CSMD1: variants seen among roughly 807,000 people sequenced by gnomAD.
The protein encoded by CSMD1 is CUB and sushi domain-containing protein 1.
In CSMD1, 213 loss-of-function variants were observed where a neutral mutation model predicts 417.5. That is an observed-to-expected ratio of 0.51 (90% CI 0.46 to 0.57). CSMD1 has a LOEUF of 0.57. CSMD1 is among the 20% of genes least tolerant of loss of function. The pLI, the probability that CSMD1 is intolerant of heterozygous loss-of-function variation, is 0.00. For missense variants in CSMD1, 6,923 were observed against 4,529.7 expected (o/e 1.53, Z -15.17); for synonymous variants, 2,862 against 1,736.8 (o/e 1.65, Z -16.11).
At chr8:3,673,048 A>C (rs1331665659) in intron 7 of CSMD1, among the ~76,000 whole-genome samples, 1 of 152,188 alleles carries the variant, frequency 6.6e-6, no homozygotes, top group African/African-American at 2.4e-5. Flanking sequence ...GAAAGTGAGC[A>C]TTTAGCGGTA....
chr8:4,474,764 T>C (rs1211737877), intron 2 of CSMD1, among the ~76,000 whole-genome samples: 1 of 152,086 alleles, frequency 6.6e-6, no homozygotes, highest in Non-Finnish European at 1.5e-5. Context: ...ACCTCCTGTT[T>C]CTCCTCCCCA....
intron 3 of CSMD1, among the ~76,000 whole-genome samples, chr8:4,277,610 C>G (rs1796560283): frequency 6.6e-6 from 1 of 152,168 alleles, no homozygotes; most frequent in South Asian, 2.1e-4. Flanking sequence ...TATGAGGTGT[C>G]TCATACTTCC....
chr8:4,219,328 CT>C (rs1327454754), intron 3 of CSMD1, among the ~76,000 whole-genome samples: 2 of 152,136 alleles, frequency 1.3e-5, no homozygotes, highest in African/African-American at 4.8e-5. Flanking sequence ...ATTTCATTCA[CT>C]TTCGTAACTT....
At chr8:3,869,819 A>C (rs1355484958) in intron 5 of CSMD1, among the ~76,000 whole-genome samples, 1 of 152,082 alleles carries the variant, frequency 6.6e-6, no homozygotes, top group African/African-American at 2.4e-5. Context: ...TTCCGTATCA[A>C]CTGCCACTTA....
At chr8:3,085,130 G>C (rs937416920) in intron 49 of CSMD1, among the ~76,000 whole-genome samples, 6 of 151,988 alleles carry the variant, frequency 3.9e-5, no homozygotes, top group African/African-American at 1.5e-4. Flanking sequence ...ACAATGGTCA[G>C]GCTCACAGAA....
At chr8:4,669,193 G>A (rs955425891) in intron 1 of CSMD1, among the ~76,000 whole-genome samples, 1 of 152,060 alleles carries the variant, frequency 6.6e-6, no homozygotes, top group Non-Finnish European at 1.5e-5. Flanking sequence ...GCCTTCTCTT[G>A]CTGTCTCTCT....
intron 2 of CSMD1, among the ~76,000 whole-genome samples, chr8:4,453,884 C>A (rs533326641): frequency 7.3e-6 from 1 of 136,076 alleles, no homozygotes; most frequent in Admixed American, 8.0e-5. Flanking sequence ...TGCACTGGCG[C>A]GACCTCGGCT....
At chr8:4,080,778 T>C (rs1800088282) in intron 3 of CSMD1, among the ~76,000 whole-genome samples, 2 of 152,310 alleles carry the variant, frequency 1.3e-5, no homozygotes, top group South Asian at 4.1e-4. Flanking sequence ...TGGGCTAAAT[T>C]ACCACACCCC....
At position 4,268,481 on chromosome 8, in the gene CSMD1, T is replaced by C. The variant is rs185594649; in HGVS notation, c.415+151472A>G. 1.1e-4 allele frequency among the ~76,000 whole-genome samples: 17 copies of C among 152,310 alleles called. 1 individual carries two copies. Among genetic ancestry groups the C allele is most frequent in the African/African-American group, 3.8e-4 (16 of 41,578 alleles). The stretch of plus-strand genomic sequence containing the variant: ...GAAAGGTAGTATCGCTGCTTACGTT[T>C]CTAAGTATTTTGTAGTATTTAGAGA... On this transcript the variant is annotated intron_variant, in intron 3 of 69. Transcript: ENST00000635120.
At chr8:3,601,048 G>A (rs1027857771) in intron 8 of CSMD1, among the ~76,000 whole-genome samples, 25 of 152,052 alleles carry the variant, frequency 1.6e-4, no homozygotes, top group South Asian at 4.1e-4. Flanking sequence ...CATTCATCCC[G>A]CATGATATCG....
At chr8:2,982,520 A>G (rs1432458402) in intron 54 of CSMD1, among the ~76,000 whole-genome samples, 1 of 152,140 alleles carries the variant, frequency 6.6e-6, no homozygotes. Flanking sequence ...AAGCCTGAAA[A>G]CACTGTGTTT....
intron 1 of CSMD1, among the ~76,000 whole-genome samples, chr8:4,670,006 G>T (rs999938504): frequency 6.6e-6 from 1 of 152,096 alleles, no homozygotes. Flanking sequence ...GTGAAGTGTT[G>T]CTCCAGAACA....
chr8:3,349,705 T>C (rs933962811), intron 21 of CSMD1, among the ~76,000 whole-genome samples: 1 of 148,586 alleles, frequency 6.7e-6, no homozygotes, highest in African/African-American at 2.5e-5. Flanking sequence ...TATGTATATA[T>C]ACTCACGAGT....
At chr8:4,087,833 G>C (rs1800500338) in intron 3 of CSMD1, among the ~76,000 whole-genome samples, 1 of 151,854 alleles carries the variant, frequency 6.6e-6, no homozygotes, top group Admixed American at 6.6e-5. Flanking sequence ...TTGTCACCTA[G>C]CATAATAATG....
intron 2 of CSMD1, among the ~76,000 whole-genome samples, chr8:4,614,205 G>T (rs1801347496): frequency 6.6e-6 from 1 of 152,148 alleles, no homozygotes; most frequent in African/African-American, 2.4e-5. Flanking sequence ...AGGGCATTGG[G>T]GGCCAGCAAA....
chr8:4,629,660 G>C (rs564489134), intron 2 of CSMD1, among the ~76,000 whole-genome samples: 3 of 152,214 alleles, frequency 2.0e-5, no homozygotes, highest in South Asian at 4.1e-4. Flanking sequence ...AAGACACTTA[G>C]ACAATATTTA....
chr8:4,177,313 C>G (rs1209729662), intron 3 of CSMD1, among the ~76,000 whole-genome samples: 1 of 152,058 alleles, frequency 6.6e-6, no homozygotes, highest in Non-Finnish European at 1.5e-5. Context: ...AACTGAACAA[C>G]CTGCTCCTGA....
At chr8:4,921,251 G>C (rs957153883) in intron 1 of CSMD1, among the ~76,000 whole-genome samples, 1 of 152,100 alleles carries the variant, frequency 6.6e-6, no homozygotes, top group Non-Finnish European at 1.5e-5. Context: ...ACCAGCCAGA[G>C]GCAACATTTA....
chr8:3,671,581 A>G (rs1342690622), intron 7 of CSMD1, among the ~76,000 whole-genome samples: 9 of 108,548 alleles, frequency 8.3e-5, no homozygotes, highest in Non-Finnish European at 1.1e-4. Context: ...ATATATATAT[A>G]TATATATATA....
Sources: gnomAD v4.1 joint callset for allele counts (sites outside exome capture counted in the v4.1 genomes callset) on GRCh38, gnomAD v4.1.1 for gene constraint, MANE v1.5 for transcripts, NCBI Gene and HGNC (gene_info 2026-07-23, HGNC 2026-07-21) for gene names.